Variants in GABRB1 observed in about 807,000 individuals in gnomAD.
The protein encoded by GABRB1 is gamma-aminobutyric acid receptor subunit beta-1.
GABRB1 carries 17 observed loss-of-function variants against 51.6 expected under a neutral mutation model. The ratio of observed to expected loss-of-function variants is 0.33; its 90% CI spans 0.23 to 0.49. The LOEUF (loss-of-function observed/expected upper bound fraction) is 0.49. Ranked by LOEUF, GABRB1 falls within the 20% of genes least tolerant of loss-of-function variation. The pLI is 0.99. For missense variants in GABRB1, 410 were observed against 600.6 expected (o/e 0.68, Z 3.32); for synonymous variants, 247 against 218.9 (o/e 1.13, Z -1.14).
At chr4:47,135,075 A>T (rs1347068578) in intron 3 of GABRB1, among the ~76,000 whole-genome samples, 1 of 152,200 alleles carries the variant, frequency 6.6e-6, no homozygotes, top group Non-Finnish European at 1.5e-5. Context: ...AGCTATGATC[A>T]CACCACTGAA....
chr4:47,303,163 A>G (rs186542263), intron 4 of GABRB1, among the ~76,000 whole-genome samples: 1 of 152,096 alleles, frequency 6.6e-6, no homozygotes, highest in Admixed American at 6.6e-5. Context: ...TTTGACTACT[A>G]TAAAGAAAGC....
chr4:47,026,933 T>C (rs1167050153), upstream of GABRB1, among the ~76,000 whole-genome samples: 1 of 152,020 alleles, frequency 6.6e-6, no homozygotes, highest in Non-Finnish European at 1.5e-5. Flanking sequence ...TCTCATTTTT[T>C]GTTTGACCTT....
chr4:47,319,522 A>T (rs534072320), intron 4 of GABRB1, among the ~76,000 whole-genome samples: 2 of 152,302 alleles, frequency 1.3e-5, no homozygotes, highest in South Asian at 4.1e-4. Flanking sequence ...CCATCCTAGC[A>T]TCCCAGTAAT....
intron 4 of GABRB1, among the ~76,000 whole-genome samples, chr4:47,284,869 T>C (rs1297023083): frequency 6.6e-6 from 1 of 152,204 alleles, no homozygotes; most frequent in Admixed American, 6.5e-5. Context: ...AGAAAAGAGA[T>C]AGTTTTAAAA....
intron 3 of GABRB1, among the ~76,000 whole-genome samples, chr4:47,148,372 C>T (rs764766198): frequency 6.6e-6 from 1 of 151,990 alleles, no homozygotes; most frequent in Non-Finnish European, 1.5e-5. Context: ...AGTGCACCAG[C>T]CCCTTCTCTT....
intron 5 of GABRB1, among the ~76,000 whole-genome samples, chr4:47,356,283 G>A (rs935141618): frequency 2.7e-5 from 4 of 150,088 alleles, no homozygotes; most frequent in South Asian, 2.1e-4. Context: ...ACCATAAAGC[G>A]TTGAGCAAAT....
At chr4:47,295,240 G>A (rs1392608153) in intron 4 of GABRB1, among the ~76,000 whole-genome samples, 5 of 152,286 alleles carry the variant, frequency 3.3e-5, no homozygotes, top group Admixed American at 1.3e-4. Context: ...CACCAGCAAC[G>A]GAACAAAGCT....
At chr4:47,021,934 A>G (rs928776527) in intron 1 of GABRB1, among the ~76,000 whole-genome samples, 2 of 152,130 alleles carry the variant, frequency 1.3e-5, no homozygotes, top group African/African-American at 2.4e-5. Context: ...CACTCAATAA[A>G]TTAGAGATTT....
chr4:47,157,852 C>T (rs1485698313), intron 3 of GABRB1, among the ~76,000 whole-genome samples: 1 of 151,978 alleles, frequency 6.6e-6, no homozygotes, highest in Non-Finnish European at 1.5e-5. Flanking sequence ...GCTACTAACT[C>T]CAGAAATGCA....
At chr4:47,253,379 C>G (rs1036104688) in intron 4 of GABRB1, among the ~76,000 whole-genome samples, 3 of 152,152 alleles carry the variant, frequency 2.0e-5, no homozygotes, top group Non-Finnish European at 4.4e-5. Context: ...GTTGAAGAAA[C>G]CCTGAAATGA....
intron 1 of GABRB1, among the ~76,000 whole-genome samples, chr4:47,007,895 A>ATATATAT (rs375965914): frequency 0.011 from 193 of 17,522 alleles, 6 homozygotes; most frequent in Middle Eastern, 0.071. Context: ...TATATATATA[A>ATATATAT]AATCAAGTTT....
chr4:47,092,804 G>T (rs1354560056), intron 3 of GABRB1, among the ~76,000 whole-genome samples: 1 of 151,978 alleles, frequency 6.6e-6, no homozygotes, highest in African/African-American at 2.4e-5. Context: ...TAGTAGAGAT[G>T]TGGTTTCGCC....
At chr4:47,414,372 A>G (rs1728849991) in intron 8 of GABRB1, among the ~76,000 whole-genome samples, 1 of 152,178 alleles carries the variant, frequency 6.6e-6, no homozygotes, top group Non-Finnish European at 1.5e-5. Flanking sequence ...TCGGTCTGGA[A>G]AGGAGGGACA....
At chr4:47,101,099 T>C (rs987272829) in intron 3 of GABRB1, among the ~76,000 whole-genome samples, 1 of 151,970 alleles carries the variant, frequency 6.6e-6, no homozygotes, top group Non-Finnish European at 1.5e-5. Context: ...AAGTTTTACG[T>C]GGGCTCATCT....
At chr4:47,262,181 A>T (rs1456032942) in intron 4 of GABRB1, among the ~76,000 whole-genome samples, 1 of 151,848 alleles carries the variant, frequency 6.6e-6, no homozygotes, top group African/African-American at 2.4e-5. Context: ...ACAAAAGCCA[A>T]AATTGACAAA....
intron 4 of GABRB1, among the ~76,000 whole-genome samples, chr4:47,209,748 A>G (rs1720279686): frequency 1.3e-5 from 2 of 152,270 alleles, no homozygotes; most frequent in African/African-American, 4.8e-5. Flanking sequence ...TGGCATAGAA[A>G]GAAACCAGTA....
chr4:47,087,289 T>TG (rs1180760594), intron 3 of GABRB1, among the ~76,000 whole-genome samples: 4 of 152,326 alleles, frequency 2.6e-5, no homozygotes, highest in East Asian at 3.9e-4. Context: ...ATTTTTTTTT[T>TG]TGTGAAATGT....
chr4:47,182,379 T>C (rs971565044), intron 4 of GABRB1, among the ~76,000 whole-genome samples: 3 of 151,916 alleles, frequency 2.0e-5, no homozygotes, highest in Non-Finnish European at 4.4e-5. Context: ...AACCAAAGAG[T>C]AAAAAATATT....
intron 4 of GABRB1, among the ~76,000 whole-genome samples, chr4:47,191,535 A>G (rs1294982091): frequency 1.3e-5 from 2 of 152,186 alleles, no homozygotes; most frequent in Admixed American, 1.3e-4. Context: ...TTAAAGGTAT[A>G]CATGAAAGCT....
Sources: allele counts gnomAD v4.1 joint callset (sites outside exome capture counted in the v4.1 genomes callset), GRCh38; gene constraint gnomAD v4.1.1; transcripts MANE v1.5; gene names NCBI Gene and HGNC (gene_info 2026-07-23, HGNC 2026-07-21).